The following LTF variants were observed in gnomAD, a reference collection of about 807,000 sequenced individuals.
LTF encodes the protein epididymis luminal protein 110.
Under a neutral mutation model 87.2 loss-of-function variants are expected in LTF, and 91 were observed. The observed-to-expected ratio is 1.04, with a 90% CI of 0.88 to 1.24. LTF has a LOEUF of 1.24. Among genes scored for constraint, LTF ranks in the 50% most tolerant of loss-of-function variants. The pLI is 0.00. For missense variants in LTF, 901 were observed against 904.3 expected, an observed-to-expected ratio of 1.00 and a Z score of 0.05; for synonymous variants, 378 against 356.1, an observed-to-expected ratio of 1.06 and a Z score of -0.69.
rs1353089236 is a variant in LTF, at chr3:46,450,005, T to A, written c.906A>T (p.Ser302=). The part of the protein sequence containing the change: ...QAQEKFGKDK[S]PKFQLFGSPS... ...GGGAGCCAAAGAGCTGGAATTTCGG[T>A]GACTTGTCCTTTCCAAACTTTTCCT... The change falls in exon 8 of 17, where the codon TCA becomes TCT. Residue 302 remains serine, a synonymous_variant. Coordinates refer to ENST00000231751, the MANE Select transcript of LTF (RefSeq NM_002343.6). 2 of 1,601,378 alleles carry A rather than the reference T, an allele frequency of 1.2e-6. No individual in the cohort carries two copies. Among genetic ancestry groups the A allele is most frequent in the Admixed American group, 3.5e-5 (2 of 57,230 alleles).
chr3:46,436,169 G>A lies in LTF; in HGVS notation c.*26C>T. The A allele has an allele frequency of 1.2e-6, 2 of 1,613,570 alleles. No homozygotes were observed. Among genetic ancestry groups the A allele is most frequent in the Non-Finnish European group, 8.5e-7 (1 of 1,179,490 alleles). The stretch of plus-strand genomic sequence containing the variant: ...GGCAGTGAATGGCTGAGGCTTTCTT[G>A]GGGAGCTGGGCCATCTTCTTCGGTT... On this transcript the variant is annotated 3_prime_UTR_variant, in exon 17 of 17. Coordinates refer to ENST00000231751, the MANE Select transcript of LTF (RefSeq NM_002343.6).
chr3:46,449,823 C>G (rs375031745), intron 8 of LTF, 31 bp downstream of exon 8: 2 of 1,611,576 alleles, frequency 1.2e-6, no homozygotes, highest in African/African-American at 2.7e-5. Flanking sequence ...CCACACCAGG[C>G]GGACCTCAGG....
At position 46,450,575 on chromosome 3, in the gene LTF, G is replaced by T; in HGVS notation, c.802C>A (p.Arg268=). The T allele has an allele frequency of 6.2e-7, 1 of 1,614,124 alleles. No homozygotes were observed. The highest frequency in any genetic ancestry group is 8.5e-7 in the Non-Finnish European group (1 of 1,180,044). The change falls in exon 7 of 17, where the codon CGG becomes AGG. Residue 268 remains arginine (R), a synonymous_variant. Coordinates refer to ENST00000231751, the MANE Select transcript of LTF (RefSeq NM_002343.6). ...VDKFKDCHLA[R]VPSHAVVARS... ...GCCACAACGGCATGAGAAGGGACCC[G>T]GGCCAGATGGCAGTCTTTGAACTTG...
chr3:46,449,090 G>A lies in LTF; in HGVS notation c.1058-73C>T. On this transcript the variant is annotated intron_variant, in intron 8 of 16. Transcript: ENST00000231751. ...GGTTGTCCAACCTCCCCAGAGCCAGGGTCCTGCCCAGACTCTCCCTGGAAC... is the reference window on the plus strand; with the variant it reads ...GGTTGTCCAACCTCCCCAGAGCCAGAGTCCTGCCCAGACTCTCCCTGGAAC... 5 of 1,436,910 alleles carry A rather than the reference G, an allele frequency of 3.5e-6. No individual in the cohort carries two copies. The South Asian group carries it at 3.9e-5, about 11-fold the overall frequency. The allele number at this position is 1,436,910 out of a possible 1,614,324, so 89.0% of individuals were successfully genotyped here.
In LTF at chr3:46,450,553, A is replaced by T; in HGVS notation, c.824T>A (p.Val275Glu). ...CTCCTTGCCATTCACACTTCGTGCC[A>T]CAACGGCATGAGAAGGGACCCGGGC... is the stretch of plus-strand genomic sequence containing the variant. ...HLARVPSHAV[V>E]ARSVNGKEDA... The change falls in exon 7 of 17, where the codon GTG becomes GAG. Residue 275 changes from valine (V) to glutamate (E), a missense_variant. Physicochemically the swap from Val to Glu is moderately radical, Grantham distance 121. Coordinates refer to ENST00000231751, the MANE Select transcript of LTF (RefSeq NM_002343.6). 1.2e-6 allele frequency: 2 copies of T among 1,614,162 alleles called. No homozygotes were observed. Among genetic ancestry groups the T allele is most frequent in the Non-Finnish European group, 1.7e-6 (2 of 1,180,028 alleles).
intron 12 of LTF, among the ~76,000 whole-genome samples, 174 bp downstream of exon 12, chr3:46,445,107 C>G (rs1196458073): frequency 1.3e-5 from 2 of 152,274 alleles, no homozygotes; most frequent in African/African-American, 4.8e-5. Context: ...AGGGAAACCC[C>G]CAGTGCACCC....
chr3:46,477,454 G>GGTCAGTGAT (rs1386492250), intron 1 of LTF, among the ~76,000 whole-genome samples: 1 of 152,174 alleles, frequency 6.6e-6, no homozygotes, highest in African/African-American at 2.4e-5. Flanking sequence ...TGAAAGGCAG[G>GGTCAGTGAT]GTCAGTGATG....
At chr3:46,440,400 G>A (rs1348784321) in intron 14 of LTF, among the ~76,000 whole-genome samples, 1 of 152,176 alleles carries the variant, frequency 6.6e-6, no homozygotes. Context: ...ACAAAATACA[G>A]TTGTAAAGTA....
At chr3:46,476,048 G>A (rs959184846) in intron 1 of LTF, among the ~76,000 whole-genome samples, 4 of 152,008 alleles carry the variant, frequency 2.6e-5, no homozygotes, top group African/African-American at 9.7e-5. Context: ...ATAATTGCTA[G>A]TATTAGAAAT....
intron 1 of LTF, among the ~76,000 whole-genome samples, chr3:46,484,331 A>C (rs990025420): frequency 1.3e-5 from 2 of 152,190 alleles, no homozygotes; most frequent in Non-Finnish European, 2.9e-5. Flanking sequence ...CATCTTCTGA[A>C]CACTTACCAT....
At position 46,450,719 on chromosome 3, in the gene LTF, AG is replaced by A. The variant is rs778520563; in HGVS notation, c.704-47del. On this transcript the variant is annotated intron_variant, in intron 6 of 16. Transcript: ENST00000231751. ...GAGGGAGTCTAGATAAGCCGACTCCAGCAGTAACCTCGAGCTATAGTTCCCC... is the reference window on the plus strand; with the variant it reads ...GAGGGAGTCTAGATAAGCCGACTCCACAGTAACCTCGAGCTATAGTTCCCC... 24 of 1,516,442 alleles carry A rather than the reference AG, an allele frequency of 1.6e-5. No individual in the cohort carries two copies. The African/African-American group carries it at 3.3e-4, about 21-fold the overall frequency. 93.9% of individuals were successfully genotyped at this position (1,516,442 alleles called of 1,614,324 possible).
At chr3:46,446,407 C>G in intron 11 of LTF, 33 bp downstream of exon 11, 1 of 1,587,150 alleles carries the variant, frequency 6.3e-7, no homozygotes, top group South Asian at 1.1e-5. Context: ...AAGAACTTAT[C>G]CTTGACCCTG....
chr3:46,470,617 C>G (rs1218167501), intron 1 of LTF, among the ~76,000 whole-genome samples: 8 of 152,234 alleles, frequency 5.3e-5, no homozygotes, highest in Admixed American at 5.2e-4. Context: ...CTCCTCTGAC[C>G]AGTCCTCAAG....
At chr3:46,473,662 C>T (rs1703321635) in intron 1 of LTF, among the ~76,000 whole-genome samples, 2 of 152,134 alleles carry the variant, frequency 1.3e-5, no homozygotes, top group Non-Finnish European at 2.9e-5. Context: ...CTGGGCTGTA[C>T]ATCATTCTCA....
chr3:46,460,165 C>T (rs1470747735), intron 1 of LTF, among the ~76,000 whole-genome samples: 1 of 152,180 alleles, frequency 6.6e-6, no homozygotes, highest in Non-Finnish European at 1.5e-5. Context: ...CACTTTGAAC[C>T]TGGAAGGTAG....
intron 9 of LTF, among the ~76,000 whole-genome samples, chr3:46,448,363 T>C (rs903827958): frequency 9.1e-6 from 1 of 109,820 alleles, no homozygotes; most frequent in Non-Finnish European, 1.8e-5. Context: ...CAAGAATCTG[T>C]CTCTTAAAAA....
intron 8 of LTF, among the ~76,000 whole-genome samples, 165 bp from the exon 9 acceptor site, chr3:46,449,182 G>A (rs1210723839): frequency 6.6e-6 from 1 of 152,152 alleles, no homozygotes; most frequent in Admixed American, 6.5e-5. Flanking sequence ...TCAGCTCCAA[G>A]CCCCTTCTTC....
intron 13 of LTF, among the ~76,000 whole-genome samples, chr3:46,442,496 C>T (rs1043261448): frequency 6.8e-6 from 1 of 147,432 alleles, no homozygotes; most frequent in Non-Finnish European, 1.5e-5. Context: ...TGCTGCAGGT[C>T]TGAAAAAAAA....
At chr3:46,466,904 T>TA (rs1703223172), upstream of LTF, among the ~76,000 whole-genome samples, 1 of 152,076 alleles carries the variant, frequency 6.6e-6, no homozygotes, top group African/African-American at 2.4e-5. Context: ...GTCCAAATTT[T>TA]AAAAAAGGAT....
Sources: allele counts gnomAD v4.1 joint callset (sites outside exome capture counted in the v4.1 genomes callset), GRCh38; gene constraint gnomAD v4.1.1; transcripts MANE v1.5; gene names NCBI Gene and HGNC (gene_info 2026-07-23, HGNC 2026-07-21).